Variants in EP400 observed in about 807,000 individuals in gnomAD.
EP400 encodes the protein E1A-binding protein p400.
Under a neutral mutation model 354.1 loss-of-function variants are expected in EP400, and 105 were observed. The observed-to-expected ratio is 0.30, with a 90% CI of 0.25 to 0.35. The LOEUF is 0.35. EP400 is among the 10% of genes least tolerant of loss of function. The pLI is 1.00. For synonymous variants in EP400, 1,646 were observed against 1,716.9 expected (o/e 0.96, Z 1.02); for missense variants, 3,280 against 4,121.0 (o/e 0.80, Z 5.59).
At chr12:132,058,168 G>A (rs1027007043) in intron 45 of EP400, among the ~76,000 whole-genome samples, 1 of 152,098 alleles carries the variant, frequency 6.6e-6, no homozygotes, top group African/African-American at 2.4e-5. Flanking sequence ...GGGTCTGAGG[G>A]GAAGGGAATG....
At chr12:131,977,595 A>C (rs969382774) in intron 2 of EP400, among the ~76,000 whole-genome samples, 1 of 151,910 alleles carries the variant, frequency 6.6e-6, no homozygotes, top group Non-Finnish European at 1.5e-5. Context: ...TTAGAAACGC[A>C]CACACACACA....
In EP400 at chr12:132,052,919, G is replaced by A. The variant is rs971855494; in HGVS notation, c.7395-227G>A. Among the ~76,000 whole-genome samples the A allele has an allele frequency of 6.6e-6, 1 of 152,110 alleles. No individual in the cohort carries two copies. The highest frequency in any genetic ancestry group is 2.4e-5 in the African/African-American group (1 of 41,444). ...GGACGTGTTCGGAGATACTTTTCCT[G>A]GAGAGTGGGAGAGCTCGGCCTCAAG... On this transcript the variant is annotated intron_variant, in intron 41 of 52. Coordinates refer to ENST00000389561, the MANE Select transcript of EP400 (RefSeq NM_015409.5). The surrounding 1 kb of genome is among the most constrained non-coding windows in gnomAD (Gnocchi z 4.4).
chr12:132,065,197 G>A, intron 48 of EP400: 1 of 463,682 alleles, frequency 2.2e-6, no homozygotes, highest in Non-Finnish European at 3.9e-6. Flanking sequence ...ACCCTGCAGG[G>A]ACCAAGGCCT....
intron 45 of EP400, 82 bp from the exon 46 acceptor site, chr12:132,062,028 T>G: frequency 7.7e-7 from 1 of 1,294,482 alleles, no homozygotes; most frequent in Non-Finnish European, 1.1e-6. Flanking sequence ...AGTTGGGTGC[T>G]CTTGTCTTCC....
At position 132,062,524 on chromosome 12, in the gene EP400, G is replaced by GCAGCAGCAGCAGCAGCAGCAACAA. The variant is rs752959637; in HGVS notation, c.8178_8201dup (p.Gln2741_Gln2748dup). ...CACCTGCACATTTCCAGCTTCTCAG[G>GCAGCAGCAGCAGCAGCAGCAACAA]CAGCAGCAGCAGCAGCAGCAACAAC... On this transcript the variant is annotated inframe_insertion, in exon 47 of 53. Transcript: ENST00000389561. The GCAGCAGCAGCAGCAGCAGCAACAA allele has an allele frequency of 1.1e-5, 16 of 1,515,552 alleles. No homozygotes were observed. Among genetic ancestry groups the GCAGCAGCAGCAGCAGCAGCAACAA allele is most frequent in the African/African-American group, 9.7e-5 (4 of 41,278 alleles). 93.9% of individuals were successfully genotyped at this position (1,515,552 alleles called of 1,614,324 possible). A position where few individuals can be genotyped will look rare whatever the true frequency, so the allele number is the denominator to read the frequency against.
At position 132,058,654 on chromosome 12, in the gene EP400, C is replaced by G. The variant is rs1317038431; in HGVS notation, c.7884+3446C>G. Among the ~76,000 whole-genome samples, 10 of 152,194 alleles carry G rather than the reference C, an allele frequency of 6.6e-5. No individual in the cohort carries two copies. In the East Asian group the frequency reaches 1.4e-3, roughly 21 times the overall value. On this transcript the variant is annotated intron_variant, in intron 45 of 52. Transcript: ENST00000389561. ...CGTGAGCCACCGCGCCCAGCCTAGACTATGGATTTTATTCACCAGGCAGTG... is the reference window on the plus strand; with the variant it reads ...CGTGAGCCACCGCGCCCAGCCTAGAGTATGGATTTTATTCACCAGGCAGTG...
At position 132,043,429 on chromosome 12, in the gene EP400, C is replaced by T. The variant is rs1444154613; in HGVS notation, c.6333C>T (p.Ser2111=). ...ACATGCCGTGTGATGAAGAACCATCCCAATTAGAGGAGCTAGCTGACTTCA... is the reference window on the plus strand; with the variant it reads ...ACATGCCGTGTGATGAAGAACCATCTCAATTAGAGGAGCTAGCTGACTTCA... The part of the protein sequence containing the change: ...SENMPCDEEP[S]QLEELADFME... Residue 2111 remains serine, a synonymous_variant, in exon 33 of 53, where the codon TCC becomes TCT. Transcript: ENST00000389561. 1 of 1,613,344 alleles carries T rather than the reference C, an allele frequency of 6.2e-7. No individual in the cohort carries two copies. Among genetic ancestry groups the T allele is most frequent in the South Asian group, 1.1e-5 (1 of 91,024 alleles).
intron 10 of EP400, 137 bp downstream of exon 10, chr12:131,991,593 GT>G: frequency 3.4e-6 from 2 of 588,484 alleles, no homozygotes; most frequent in Non-Finnish European, 5.3e-6. Flanking sequence ...TTTTTTTTTT[GT>G]TTTAGAGACA....
rs755715200 is a variant in EP400, at chr12:132,067,385, G to A, written c.8773G>A (p.Val2925Met). The A allele has an allele frequency of 6.2e-6, 10 of 1,613,396 alleles. No individual in the cohort carries two copies. Among genetic ancestry groups the A allele is most frequent in the African/African-American group, 2.7e-5 (2 of 74,908 alleles). Residue 2925 changes from valine to methionine, a missense_variant, in exon 50 of 53, where the codon GTG (valine) becomes ATG (methionine). Physicochemically the swap from Val to Met is conservative, Grantham distance 21. Around this residue, in one of 20 missense-constraint regions of EP400, gnomAD observed 279 missense variants for 386.7 expected, o/e 0.72. Transcript: ENST00000389561. This position sits in a 1 kb window ranked among gnomAD's most constrained non-coding sequence, Gnocchi z 5.3. The part of the protein sequence containing the change: ...AAGQTVVAQP[V>M]HMQQLLKLKQ... Reference sequence around the variant, plus strand: ...AGGACAGACCGTGGTGGCCCAGCCCGTGCACATGCAGCAGCTGCTGAAGCT... The same window carrying A: ...AGGACAGACCGTGGTGGCCCAGCCCATGCACATGCAGCAGCTGCTGAAGCT...
At position 132,050,921 on chromosome 12, in the gene EP400, T is replaced by C. The variant is rs145752936; in HGVS notation, c.7394+266T>C. 2.7e-3 allele frequency: 1,523 copies of C among 557,356 alleles called. 31 individuals are homozygous for C. The East Asian group carries it at 0.043, about 16-fold the overall frequency. 34.5% of individuals were successfully genotyped at this position (557,356 alleles called of 1,614,324 possible). A position where few individuals can be genotyped will look rare whatever the true frequency, so the allele number is the denominator to read the frequency against. ...GAAAGACGCTGACAGATGTGATGAG[T>C]GTGCCAGGGCCATGTGGCCAACCAC... On this transcript the variant is annotated intron_variant, in intron 41 of 52. Coordinates refer to ENST00000389561, the MANE Select transcript of EP400 (RefSeq NM_015409.5). The surrounding 1 kb of genome is among the most constrained non-coding windows in gnomAD (Gnocchi z 4.8).
chr12:132,018,096 G>A lies in EP400; in HGVS notation c.4111-114G>A, dbSNP rs915214272. 7.5e-7 allele frequency: 1 copy of A among 1,330,388 alleles called. No homozygotes were observed. Among genetic ancestry groups the A allele is most frequent in the African/African-American group, 1.5e-5 (1 of 67,452 alleles). 82.4% of individuals were successfully genotyped at this position (1,330,388 alleles called of 1,614,324 possible). The stretch of plus-strand genomic sequence containing the variant: ...GGGTCTGCTTGCCGAGTGGCCGTTA[G>A]AGGGGGCGCGTCTGGATGCCCACGT... On this transcript the variant is annotated intron_variant, in intron 20 of 52. Transcript: ENST00000389561. The surrounding 1 kb of genome is among the most constrained non-coding windows in gnomAD (Gnocchi z 4.0).
Position 132,027,984 on chromosome 12 carries a change from C to A in EP400, c.5110-33C>A. 1 of 1,601,430 alleles carries A rather than the reference C, an allele frequency of 6.2e-7. No homozygotes were observed. ...GACAGGAACTTGTCATTCTGTTTCT[C>A]AAGTAACTGTTTTTCATCACTTTTT... On this transcript the variant is annotated intron_variant, in intron 26 of 52. Transcript: ENST00000389561. The surrounding 1 kb of genome is among the most constrained non-coding windows in gnomAD (Gnocchi z 4.9).
chr12:132,028,104 A>G lies in EP400; in HGVS notation c.5197A>G (p.Arg1733Gly), dbSNP rs1170162271. The G allele has an allele frequency of 6.2e-7, 1 of 1,614,236 alleles. No homozygotes were observed. Among genetic ancestry groups the G allele is most frequent in the East Asian group, 2.2e-5 (1 of 44,890 alleles). Residue 1733 changes from arginine (R) to glycine (G), a missense_variant, in exon 27 of 53, where the codon AGA becomes GGA. Arg to Gly is a moderately radical substitution (Grantham distance 125). Coordinates refer to ENST00000389561, the MANE Select transcript of EP400 (RefSeq NM_015409.5). ...RRCSQAPVYG[R>G]DLLRICALPS... is the part of the protein sequence containing the mutation. ...CTGTTCTCAAGCTCCAGTCTATGGC[A>G]GAGACTTGCTAAGGATTTGTGCCCT...
At chr12:131,989,847 T>C (rs994750301) in intron 7 of EP400, 117 bp from the exon 8 acceptor site, 9 of 1,167,616 alleles carry the variant, frequency 7.7e-6, no homozygotes, top group Middle Eastern at 2.0e-4. Flanking sequence ...CGAGGATGTA[T>C]ATGACAGTGA....
At chr12:131,963,619 T>G (rs1891975546) in intron 2 of EP400, 4 of 1,598,186 alleles carry the variant, frequency 2.5e-6, no homozygotes, top group Non-Finnish European at 3.4e-6. Context: ...TGCTGCTTTT[T>G]CATCCCAGCA....
chr12:131,987,267 G>A (rs1377819897), intron 6 of EP400, among the ~76,000 whole-genome samples: 2 of 152,190 alleles, frequency 1.3e-5, no homozygotes, highest in Non-Finnish European at 2.9e-5. Flanking sequence ...AAAATAGAGT[G>A]TCATAAACCC....
intron 16 of EP400, 119 bp downstream of exon 16, chr12:132,011,753 C>A: frequency 5.8e-6 from 7 of 1,214,120 alleles, no homozygotes; most frequent in Non-Finnish European, 7.9e-6. Context: ...ATCACTCATT[C>A]ATGAGTTAAC....
chr12:132,014,333 G>T (rs908333952), intron 19 of EP400, among the ~76,000 whole-genome samples: 1 of 152,200 alleles, frequency 6.6e-6, no homozygotes, highest in East Asian at 1.9e-4. Context: ...TGTCTGTGGC[G>T]CAATGAGTCG....
chr12:131,996,620 C>CAT (rs1893226568), intron 12 of EP400, among the ~76,000 whole-genome samples: 2 of 152,068 alleles, frequency 1.3e-5, no homozygotes, highest in Admixed American at 1.3e-4. Context: ...AAAACAATTA[C>CAT]ATATATATAT....
Sources: gnomAD v4.1 joint callset for allele counts (sites outside exome capture counted in the v4.1 genomes callset) on GRCh38, gnomAD v4.1.1 for gene constraint, gnomAD v4.1.1 regional missense constraint, Gnocchi (gnomAD v3.1) non-coding constraint, MANE v1.5 for transcripts, NCBI Gene and HGNC (gene_info 2026-07-23, HGNC 2026-07-21) for gene names.